HMGB1: variants seen among roughly 807,000 people sequenced by gnomAD.
HMGB1 encodes high mobility group box 1.
For synonymous variants in HMGB1, 81 were observed against 84.0 expected (o/e 0.96, Z 0.19); for missense variants, 79 against 253.5 (o/e 0.31, Z 4.67).
At chr13:30,468,112 C>G (rs1886841111), upstream of HMGB1, among the ~76,000 whole-genome samples, 1 of 152,162 alleles carries the variant, frequency 6.6e-6, no homozygotes, top group African/African-American at 2.4e-5. Flanking sequence ...AAAGATTAAA[C>G]TTTTTTTAAT....
At position 30,595,375 on chromosome 13, in the gene HMGB1, A is replaced by G. The variant is rs903501791; in HGVS notation, c.-15+21296T>C. ...ATCCAAGTCAACCACATTCAATCTA[A>G]GAAGTAATTGAAGGCTGTAACGACT... On this transcript the variant is annotated intron_variant, in intron 1 of 4. Transcript: ENST00000405805. Among the ~76,000 whole-genome samples, 63 of 152,212 alleles carry G rather than the reference A, an allele frequency of 4.1e-4. 1 individual carries two copies. Among genetic ancestry groups the G allele is most frequent in the Admixed American group, 3.6e-3 (55 of 15,286 alleles).
intron 1 of HMGB1, among the ~76,000 whole-genome samples, chr13:30,527,779 T>TAA (rs1888401585): frequency 6.6e-6 from 1 of 151,994 alleles, no homozygotes; most frequent in Non-Finnish European, 1.5e-5. Flanking sequence ...AATCAAAGCT[T>TAA]AAAAATAACC....
chr13:30,461,684 T>C lies in HMGB1; in HGVS notation c.472-151A>G, dbSNP rs1250518524. 2 of 1,574,772 alleles carry C rather than the reference T, an allele frequency of 1.3e-6. 1 individual carries two copies. The highest frequency in any genetic ancestry group is 1.7e-6 in the Non-Finnish European group (2 of 1,151,530). ...GATCCACAGCAACTCCAGAAATAACTAGAACTTCAATAAATGAACATAAAA... is the reference window on the plus strand; with the variant it reads ...GATCCACAGCAACTCCAGAAATAACCAGAACTTCAATAAATGAACATAAAA... On this transcript the variant is annotated intron_variant, in intron 4 of 4. Transcript: ENST00000341423.
At chr13:30,543,386 C>T (rs951230304) in intron 1 of HMGB1, 5 of 152,948 alleles carry the variant, frequency 3.3e-5, no homozygotes, top group African/African-American at 7.2e-5. Flanking sequence ...CTCAGCCTCC[C>T]AAAGTGCTGG....
intron 1 of HMGB1, among the ~76,000 whole-genome samples, chr13:30,504,180 G>C (rs1887800531): frequency 6.6e-6 from 1 of 152,130 alleles, no homozygotes; most frequent in Non-Finnish European, 1.5e-5. Context: ...GAGATGGGTT[G>C]GGCCTGGAGG....
chr13:30,474,468 G>A (rs750967651), intron 1 of HMGB1, among the ~76,000 whole-genome samples: 12 of 152,318 alleles, frequency 7.9e-5, no homozygotes, highest in East Asian at 1.9e-4. Context: ...TAGGGATACC[G>A]TGGGAGGCTT....
At chr13:30,563,604 ACT>A (rs1431218736) in intron 1 of HMGB1, among the ~76,000 whole-genome samples, 1 of 152,056 alleles carries the variant, frequency 6.6e-6, no homozygotes, top group South Asian at 2.1e-4. Flanking sequence ...ACTGAGAGAG[ACT>A]CTGTCTCAAA....
At chr13:30,516,727 G>A (rs1566012403) in intron 1 of HMGB1, among the ~76,000 whole-genome samples, 1 of 152,100 alleles carries the variant, frequency 6.6e-6, no homozygotes, top group Admixed American at 6.6e-5. Context: ...AGACCAGCCT[G>A]AGCACCATAG....
intron 1 of HMGB1, among the ~76,000 whole-genome samples, chr13:30,513,909 C>CT (rs1444147509): frequency 1.3e-5 from 2 of 152,114 alleles, no homozygotes; most frequent in Non-Finnish European, 2.9e-5. Context: ...CACCAGATTT[C>CT]TTTTTGTCTT....
intron 1 of HMGB1, among the ~76,000 whole-genome samples, chr13:30,514,642 T>C (rs1371764145): frequency 6.6e-6 from 1 of 152,104 alleles, no homozygotes; most frequent in African/African-American, 2.4e-5. Flanking sequence ...GTTTAGTTTT[T>C]TTGAGAGAGG....
At chr13:30,600,191 T>G (rs1320747924) in intron 1 of HMGB1, among the ~76,000 whole-genome samples, 1 of 152,212 alleles carries the variant, frequency 6.6e-6, no homozygotes, top group Non-Finnish European at 1.5e-5. Flanking sequence ...GGCAATTTAT[T>G]TCCCCTGAAA....
chr13:30,505,310 C>T (rs1255320494), intron 1 of HMGB1, among the ~76,000 whole-genome samples: 1 of 152,082 alleles, frequency 6.6e-6, no homozygotes, highest in Non-Finnish European at 1.5e-5. Context: ...TCCCTAGTAG[C>T]TGGGATTACA....
At chr13:30,492,383 A>C (rs1177395265) in intron 1 of HMGB1, among the ~76,000 whole-genome samples, 2 of 152,172 alleles carry the variant, frequency 1.3e-5, no homozygotes, top group Admixed American at 1.3e-4. Flanking sequence ...GAATGAAAAA[A>C]TATTTGCAAT....
At chr13:30,567,004 C>T (rs1183564644) in intron 1 of HMGB1, among the ~76,000 whole-genome samples, 1 of 152,198 alleles carries the variant, frequency 6.6e-6, no homozygotes, top group Non-Finnish European at 1.5e-5. Context: ...ATACTCACTG[C>T]TTTGGTGGGG....
At chr13:30,526,775 C>T (rs938925711) in intron 1 of HMGB1, among the ~76,000 whole-genome samples, 1 of 152,224 alleles carries the variant, frequency 6.6e-6, no homozygotes, top group Non-Finnish European at 1.5e-5. Context: ...TGCCCTCTGT[C>T]GCCAAAGCTC....
At chr13:30,491,319 C>T (rs1243886966) in intron 1 of HMGB1, among the ~76,000 whole-genome samples, 1 of 144,276 alleles carries the variant, frequency 6.9e-6, no homozygotes, top group African/African-American at 2.9e-5. Context: ...CGTGAGCCAC[C>T]GCGCCTGGCC....
At chr13:30,557,979 C>G (rs530759356) in intron 1 of HMGB1, among the ~76,000 whole-genome samples, 22 of 152,246 alleles carry the variant, frequency 1.4e-4, no homozygotes, top group African/African-American at 4.6e-4. Flanking sequence ...CCTTTTTTCA[C>G]ATGTCTGGCA....
At chr13:30,530,751 A>G (rs1426058305) in intron 1 of HMGB1, among the ~76,000 whole-genome samples, 2 of 152,218 alleles carry the variant, frequency 1.3e-5, no homozygotes, top group African/African-American at 4.8e-5. Flanking sequence ...TGGTGCAACA[A>G]GAACACAAAT....
intron 1 of HMGB1, among the ~76,000 whole-genome samples, chr13:30,599,444 G>A (rs1336405234): frequency 6.6e-6 from 1 of 152,038 alleles, no homozygotes; most frequent in Non-Finnish European, 1.5e-5. Context: ...CTCCAGCCTG[G>A]GCAACAAGAG....
Sources: gnomAD v4.1 joint callset for allele counts (sites outside exome capture counted in the v4.1 genomes callset) on GRCh38, gnomAD v4.1.1 for gene constraint, MANE v1.5 for transcripts, NCBI Gene and HGNC (gene_info 2026-07-23, HGNC 2026-07-21) for gene names.